Variants in CAMK1D observed in about 807,000 individuals in gnomAD.
CAMK1D encodes the protein calcium/calmodulin-dependent protein kinase type 1D.
Under a neutral mutation model 47.7 loss-of-function variants are expected in CAMK1D, and 9 were observed. The ratio of observed to expected loss-of-function variants is 0.19; its 90% CI spans 0.11 to 0.33. CAMK1D has a LOEUF of 0.33. Ranked by LOEUF, CAMK1D falls within the 10% of genes least tolerant of loss-of-function variation. The pLI is 1.00. For synonymous variants in CAMK1D, 184 were observed against 184.9 expected (o/e 0.99, Z 0.04); for missense variants, 291 against 488.7 (o/e 0.60, Z 3.81).
intron 2 of CAMK1D, among the ~76,000 whole-genome samples, chr10:12,584,309 G>C (rs1374736100): frequency 3.9e-5 from 6 of 152,206 alleles, no homozygotes; most frequent in African/African-American, 1.4e-4. Context: ...TAAAGCCATT[G>C]AGGTCATCGT....
intron 2 of CAMK1D, among the ~76,000 whole-genome samples, chr10:12,557,970 A>G (rs1836819194): frequency 6.6e-6 from 1 of 152,228 alleles, no homozygotes; most frequent in South Asian, 2.1e-4. Flanking sequence ...TGAATTTTCT[A>G]CTTGATCAGT....
chr10:12,351,803 C>G (rs1223452747), intron 1 of CAMK1D, among the ~76,000 whole-genome samples: 1 of 152,204 alleles, frequency 6.6e-6, no homozygotes. Flanking sequence ...CAGCCATGTT[C>G]CCTGTGAGCT....
At chr10:12,596,526 C>T (rs949689153) in intron 2 of CAMK1D, among the ~76,000 whole-genome samples, 11 of 152,124 alleles carry the variant, frequency 7.2e-5, no homozygotes, top group African/African-American at 2.7e-4. Flanking sequence ...GCCTAGTGGC[C>T]TCCCAGTTAA....
At position 12,575,477 on chromosome 10, in the gene CAMK1D, C is replaced by T. The variant is rs375162510; in HGVS notation, c.224+22121C>T. On this transcript the variant is annotated intron_variant, in intron 2 of 10. Coordinates refer to ENST00000619168, the MANE Select transcript of CAMK1D (RefSeq NM_153498.4). ...TCCAAATGTCCATCTCTGGAATCCCCCTTGGTTTGTCTCTCACTTTAATTT... is the reference window on the plus strand; with the variant it reads ...TCCAAATGTCCATCTCTGGAATCCCTCTTGGTTTGTCTCTCACTTTAATTT... 1.6e-4 allele frequency among the ~76,000 whole-genome samples: 24 copies of T among 152,244 alleles called. No individual in the cohort carries two copies. The South Asian group carries it at 3.9e-3, about 25-fold the overall frequency.
Position 12,783,055 on chromosome 10 carries a change from C to T in CAMK1D, c.566-8103C>T, listed in dbSNP as rs188919868. Among the ~76,000 whole-genome samples, 265 of 147,348 alleles carry T rather than the reference C, an allele frequency of 1.8e-3. 11 individuals are homozygous for T. The East Asian group carries it at 0.046, about 26-fold the overall frequency. On this transcript the variant is annotated intron_variant, in intron 5 of 10. Transcript: ENST00000619168. ...TTGCCCAGGCTAGAGTGCAGTGGTG[C>T]AATCTTGGCTCACTGCAACCTCCAC...
At chr10:12,723,939 G>A (rs1178645439) in intron 3 of CAMK1D, among the ~76,000 whole-genome samples, 2 of 152,026 alleles carry the variant, frequency 1.3e-5, no homozygotes, top group Non-Finnish European at 2.9e-5. Context: ...GCCCCGGTGT[G>A]TGATGTTCCC....
At chr10:12,754,378 G>A (rs1836134452) in intron 3 of CAMK1D, among the ~76,000 whole-genome samples, 1 of 152,172 alleles carries the variant, frequency 6.6e-6, no homozygotes, top group Non-Finnish European at 1.5e-5. Flanking sequence ...CACACCAGAT[G>A]GAAACAGAGA....
intron 3 of CAMK1D, among the ~76,000 whole-genome samples, chr10:12,747,511 C>G (rs1246214633): frequency 6.6e-6 from 1 of 151,942 alleles, no homozygotes; most frequent in Non-Finnish European, 1.5e-5. Context: ...CGGAGGGGAG[C>G]AGGGGCTGGT....
At chr10:12,506,228 G>C (rs931482861) in intron 1 of CAMK1D, among the ~76,000 whole-genome samples, 1 of 152,074 alleles carries the variant, frequency 6.6e-6, no homozygotes, top group African/African-American at 2.4e-5. Context: ...AGACCAGCCT[G>C]GCCAACATGG....
intron 1 of CAMK1D, among the ~76,000 whole-genome samples, chr10:12,375,620 A>G (rs968655984): frequency 6.6e-6 from 1 of 152,148 alleles, no homozygotes; most frequent in Non-Finnish European, 1.5e-5. Context: ...CTGAACATAA[A>G]TGACATTTGG....
chr10:12,547,023 G>A (rs1187746589), intron 1 of CAMK1D, among the ~76,000 whole-genome samples: 1 of 152,144 alleles, frequency 6.6e-6, no homozygotes. Context: ...GGCTCAGACT[G>A]TGGAAACAGC....
At chr10:12,691,084 TG>T (rs1282739786) in intron 3 of CAMK1D, among the ~76,000 whole-genome samples, 1 of 152,060 alleles carries the variant, frequency 6.6e-6, no homozygotes, top group Non-Finnish European at 1.5e-5. Flanking sequence ...CCTGCGTGGC[TG>T]AACCATGAAT....
At chr10:12,714,637 T>A (rs12768945) in intron 3 of CAMK1D, among the ~76,000 whole-genome samples, 6 of 151,926 alleles carry the variant, frequency 3.9e-5, no homozygotes, top group Non-Finnish European at 8.8e-5. Flanking sequence ...GAGAATTGCT[T>A]TAATCCAGGA....
At chr10:12,545,521 G>T (rs1836337167) in intron 1 of CAMK1D, among the ~76,000 whole-genome samples, 1 of 148,494 alleles carries the variant, frequency 6.7e-6, no homozygotes, top group African/African-American at 2.5e-5. Context: ...CATGGAATTA[G>T]CCGGGCGCAG....
At chr10:12,493,374 TC>T (rs1169202035) in intron 1 of CAMK1D, among the ~76,000 whole-genome samples, 2 of 152,180 alleles carry the variant, frequency 1.3e-5, no homozygotes, top group African/African-American at 2.4e-5. Context: ...GAAGGAAACT[TC>T]CATGATCGCT....
chr10:12,827,545 TG>T (rs1833295949), intron 10 of CAMK1D, among the ~76,000 whole-genome samples: 2 of 6,036 alleles, frequency 3.3e-4, no homozygotes, highest in Non-Finnish European at 8.3e-4. Flanking sequence ...TTTCTTTTCT[TG>T]TCTTTCTTCT....
intron 5 of CAMK1D, among the ~76,000 whole-genome samples, chr10:12,785,535 G>T (rs117622476): frequency 6.6e-6 from 1 of 152,262 alleles, no homozygotes; most frequent in Non-Finnish European, 1.5e-5. Flanking sequence ...GGCAGCACTG[G>T]CCAGGAGATG....
At chr10:12,511,512 A>G in intron 1 of CAMK1D, among the ~76,000 whole-genome samples, 1 of 152,128 alleles carries the variant, frequency 6.6e-6, no homozygotes, top group African/African-American at 2.4e-5. Context: ...CTGGGAGGCT[A>G]AGGCAGAAGG....
At chr10:12,704,229 A>C (rs929246191) in intron 3 of CAMK1D, among the ~76,000 whole-genome samples, 1 of 151,872 alleles carries the variant, frequency 6.6e-6, no homozygotes, top group Non-Finnish European at 1.5e-5. Context: ...CAAGGTTAAA[A>C]AGTAGAATAT....
Sources: allele counts gnomAD v4.1 joint callset (sites outside exome capture counted in the v4.1 genomes callset), GRCh38; gene constraint gnomAD v4.1.1; transcripts MANE v1.5; gene names NCBI Gene and HGNC (gene_info 2026-07-23, HGNC 2026-07-21).